Variants in SEMA6D observed in about 807,000 individuals in gnomAD.
SEMA6D encodes the protein semaphorin-6D.
Under a neutral mutation model 106.6 loss-of-function variants are expected in SEMA6D, and 35 were observed. The observed-to-expected ratio is 0.33, with a 90% CI of 0.25 to 0.44. The LOEUF (loss-of-function observed/expected upper bound fraction) is 0.44. Ranked by LOEUF, SEMA6D falls within the 20% of genes least tolerant of loss-of-function variation. The pLI, the probability that SEMA6D is intolerant of heterozygous loss-of-function variation, is 1.00. For missense variants in SEMA6D, 1,185 were observed against 1,345.9 expected (o/e 0.88, Z 1.87); for synonymous variants, 499 against 487.7 (o/e 1.02, Z -0.31).
At chr15:47,472,660 A>C (rs2042886476) in intron 3 of SEMA6D, among the ~76,000 whole-genome samples, 1 of 152,102 alleles carries the variant, frequency 6.6e-6, no homozygotes, top group African/African-American at 2.4e-5. Flanking sequence ...AACATATTAA[A>C]AATATCAAAA....
In SEMA6D at chr15:47,353,251, C is replaced by T. The variant is rs997698467; in HGVS notation, c.-238-59142C>T. The stretch of plus-strand genomic sequence containing the variant: ...ACGTGTTTTGTCTTTGTAATGGAGG[C>T]CTTAGATTTCTTTAGAACTGCATTC... On this transcript the variant is annotated intron_variant, in intron 1 of 19. Transcript: ENST00000558014. Among the ~76,000 whole-genome samples the T allele has an allele frequency of 9.2e-5, 14 of 152,140 alleles. No individual in the cohort carries two copies. In the East Asian group the frequency reaches 2.7e-3, roughly 29 times the overall value.
At chr15:47,713,954 C>T (rs2079065337), upstream of SEMA6D, among the ~76,000 whole-genome samples, 1 of 152,166 alleles carries the variant, frequency 6.6e-6, no homozygotes. Context: ...TCTATAAAAG[C>T]ATTGTTTAAT....
At chr15:47,306,772 A>G (rs1184368962) in intron 1 of SEMA6D, among the ~76,000 whole-genome samples, 1 of 152,268 alleles carries the variant, frequency 6.6e-6, no homozygotes, top group African/African-American at 2.4e-5. Context: ...GTCAATCATA[A>G]TCTTACCAAG....
At chr15:47,464,801 AAGTT>A (rs1473492878) in intron 2 of SEMA6D, among the ~76,000 whole-genome samples, 1 of 152,182 alleles carries the variant, frequency 6.6e-6, no homozygotes, top group Non-Finnish European at 1.5e-5. Context: ...AGTCCATACA[AAGTT>A]AGGTCAGAAC....
intron 3 of SEMA6D, among the ~76,000 whole-genome samples, chr15:47,588,411 G>A (rs2076380537): frequency 6.6e-6 from 1 of 152,152 alleles, no homozygotes; most frequent in South Asian, 2.1e-4. Flanking sequence ...TAGCCTTTCA[G>A]CTGCCCCCTC....
At chr15:47,396,057 G>A (rs765346978) in intron 1 of SEMA6D, among the ~76,000 whole-genome samples, 12 of 152,118 alleles carry the variant, frequency 7.9e-5, no homozygotes, top group African/African-American at 2.9e-4. Context: ...AAACACCAGA[G>A]CTTTTTTTGT....
intron 4 of SEMA6D, among the ~76,000 whole-genome samples, chr15:47,639,546 A>T (rs1359633108): frequency 6.6e-6 from 1 of 152,208 alleles, no homozygotes; most frequent in African/African-American, 2.4e-5. Flanking sequence ...ATACATAGTG[A>T]CTTCCTTCCA....
At chr15:47,423,099 C>T (rs2041223545) in intron 2 of SEMA6D, among the ~76,000 whole-genome samples, 1 of 152,086 alleles carries the variant, frequency 6.6e-6, no homozygotes, top group Non-Finnish European at 1.5e-5. Flanking sequence ...TTCCGAATGA[C>T]TCTGAGTCAC....
intron 1 of SEMA6D, among the ~76,000 whole-genome samples, chr15:47,222,283 A>G (rs143525349): frequency 2.0e-5 from 3 of 152,332 alleles, no homozygotes; most frequent in African/African-American, 4.8e-5. Context: ...TCATGGAGCT[A>G]TCTGGTCAGA....
chr15:47,682,943 A>G (rs958571659), intron 4 of SEMA6D, among the ~76,000 whole-genome samples: 4 of 152,232 alleles, frequency 2.6e-5, no homozygotes, highest in South Asian at 2.1e-4. Flanking sequence ...TGCTAAGCAC[A>G]TAAGTGCTGT....
At chr15:47,408,742 A>G (rs2040683422) in intron 1 of SEMA6D, among the ~76,000 whole-genome samples, 1 of 152,222 alleles carries the variant, frequency 6.6e-6, no homozygotes, top group Non-Finnish European at 1.5e-5. Flanking sequence ...AACGAAAGCA[A>G]TTTGGATAAA....
At chr15:47,250,731 C>A (rs1388491263) in intron 1 of SEMA6D, among the ~76,000 whole-genome samples, 1 of 152,138 alleles carries the variant, frequency 6.6e-6, no homozygotes, top group Non-Finnish European at 1.5e-5. Flanking sequence ...AATGAGCCAC[C>A]CCAGATTGAG....
intron 1 of SEMA6D, among the ~76,000 whole-genome samples, chr15:47,744,583 C>G (rs2081015199): frequency 6.6e-6 from 1 of 152,122 alleles, no homozygotes; most frequent in Non-Finnish European, 1.5e-5. Context: ...GAAAATGCAC[C>G]CTCTGCCATT....
intron 1 of SEMA6D, among the ~76,000 whole-genome samples, chr15:47,315,849 C>T (rs1312101401): frequency 6.6e-6 from 1 of 151,994 alleles, no homozygotes; most frequent in East Asian, 1.9e-4. Flanking sequence ...GGAGGGTGCT[C>T]ATTTAAATAG....
intron 1 of SEMA6D, among the ~76,000 whole-genome samples, chr15:47,348,508 A>G (rs2038135128): frequency 1.3e-5 from 2 of 152,242 alleles, no homozygotes; most frequent in African/African-American, 4.8e-5. Flanking sequence ...TCCAAAGTCC[A>G]AAATTTCTTG....
intron 4 of SEMA6D, among the ~76,000 whole-genome samples, chr15:47,649,086 G>A (rs2077635181): frequency 6.6e-6 from 1 of 152,120 alleles, no homozygotes; most frequent in Non-Finnish European, 1.5e-5. Context: ...TAATATTGAA[G>A]TCATGACCAT....
At chr15:47,669,868 C>CA (rs956504063) in intron 4 of SEMA6D, among the ~76,000 whole-genome samples, 1 of 152,288 alleles carries the variant, frequency 6.6e-6, no homozygotes. Context: ...CAGCTGTTAC[C>CA]AACCCATCTT....
intron 1 of SEMA6D, among the ~76,000 whole-genome samples, chr15:47,230,803 G>A (rs1424416062): frequency 1.3e-5 from 2 of 151,950 alleles, no homozygotes; most frequent in Admixed American, 6.6e-5. Flanking sequence ...AAGCACTGCA[G>A]GTGGTTCTGA....
intron 3 of SEMA6D, among the ~76,000 whole-genome samples, chr15:47,513,748 C>T (rs2141827266): frequency 6.6e-6 from 1 of 152,336 alleles, no homozygotes; most frequent in Admixed American, 6.5e-5. Flanking sequence ...TCAAGCGAAG[C>T]TCAGCAGTTC....
Sources: gnomAD v4.1 joint callset for allele counts (sites outside exome capture counted in the v4.1 genomes callset) on GRCh38, gnomAD v4.1.1 for gene constraint, MANE v1.5 for transcripts, NCBI Gene and HGNC (gene_info 2026-07-23, HGNC 2026-07-21) for gene names.